BMPER: variants seen among roughly 807,000 people sequenced by gnomAD.
BMPER encodes BMP binding endothelial regulator, also known as BMP-binding endothelial regulator protein.
Under a neutral mutation model 87.3 loss-of-function variants are expected in BMPER, and 45 were observed. That is an observed-to-expected ratio of 0.52 (90% CI 0.41 to 0.66). The LOEUF (loss-of-function observed/expected upper bound fraction) is 0.66, where lower values mean the gene tolerates loss of function less well. BMPER is among the 30% of genes least tolerant of loss of function. BMPER has a pLI of 0.00. For synonymous variants in BMPER, 326 were observed against 316.2 expected, an observed-to-expected ratio of 1.03 and a Z score of -0.33; for missense variants, 784 against 867.5, an observed-to-expected ratio of 0.90 and a Z score of 1.21.
chr7:34,035,198 G>T (rs1787630657), intron 6 of BMPER, among the ~76,000 whole-genome samples: 2 of 152,184 alleles, frequency 1.3e-5, no homozygotes, highest in Admixed American at 1.3e-4. Context: ...CCTTGATGGA[G>T]GCCACGGAGT....
chr7:34,084,870 A>G (rs375036621), intron 12 of BMPER, among the ~76,000 whole-genome samples: 213 of 152,338 alleles, frequency 1.4e-3, no homozygotes, highest in Middle Eastern at 0.014. Context: ...GCATACTTTC[A>G]GATAATTTCT....
intron 11 of BMPER, among the ~76,000 whole-genome samples, chr7:34,068,710 A>G (rs1788660099): frequency 6.6e-6 from 1 of 152,206 alleles, no homozygotes; most frequent in Non-Finnish European, 1.5e-5. Flanking sequence ...ATAGTTTTGA[A>G]CTTGAAATAA....
rs148696996 is a variant in BMPER, at chr7:34,065,113, T to C, written c.1078+3066T>C. Among the ~76,000 whole-genome samples, 187 of 152,156 alleles carry C rather than the reference T, an allele frequency of 1.2e-3. 1 individual carries two copies. The highest frequency in any genetic ancestry group is 4.1e-3 in the African/African-American group (171 of 41,482). ...TGAAACTACAAAAAAGTCTAGTGTT[T>C]TCTAAAGCCAGAAAAACAACTAATT... On this transcript the variant is annotated intron_variant, in intron 11 of 14. Coordinates refer to ENST00000649409, the MANE Select transcript of BMPER (RefSeq NM_001365308.1).
intron 6 of BMPER, among the ~76,000 whole-genome samples, chr7:34,018,558 A>T (rs1223930218): frequency 6.6e-6 from 1 of 151,986 alleles, no homozygotes; most frequent in Non-Finnish European, 1.5e-5. Context: ...GAAACTGGAC[A>T]CCAAGACGAG....
In BMPER at chr7:34,024,397, A is replaced by AC. The variant is rs1359248519; in HGVS notation, c.577-21909_577-21908insC. Among the ~76,000 whole-genome samples the AC allele has an allele frequency of 6.4e-4, 14 of 22,012 alleles. 2 individuals are homozygous for AC. The highest frequency in any genetic ancestry group is 3.4e-3 in the African/African-American group (13 of 3,856). The allele number at this position is 22,012 out of a possible 152,430, so 14.4% of individuals were successfully genotyped here. ...AAAAAAAAAAACAATATATATATAT[A>AC]TATATATATATATATATATATATAT... On this transcript the variant is annotated intron_variant, in intron 6 of 14. Transcript: ENST00000649409.
chr7:34,044,180 G>C (rs1317782190), intron 6 of BMPER, among the ~76,000 whole-genome samples: 4 of 152,212 alleles, frequency 2.6e-5, no homozygotes, highest in Admixed American at 6.5e-5. Flanking sequence ...ACAAACTGCA[G>C]TTGTATTATG....
At chr7:33,966,688 C>T in intron 4 of BMPER, 127 bp downstream of exon 4, 1 of 843,380 alleles carries the variant, frequency 1.2e-6, no homozygotes, top group South Asian at 1.4e-5. Context: ...AATGAAAAAG[C>T]AACTGTATCC....
intron 2 of BMPER, among the ~76,000 whole-genome samples, chr7:33,907,165 C>T (rs566172532): frequency 5.9e-5 from 9 of 151,968 alleles, no homozygotes; most frequent in South Asian, 2.1e-4. Context: ...TATGACGTCT[C>T]GGTGAAATGA....
chr7:33,958,292 G>A (rs1262174773), intron 3 of BMPER, among the ~76,000 whole-genome samples: 10 of 152,130 alleles, frequency 6.6e-5, no homozygotes, highest in Non-Finnish European at 8.8e-5. Context: ...TGCAAAACAT[G>A]TTCTTATTAT....
At chr7:34,041,497 A>C (rs1787831649) in intron 6 of BMPER, among the ~76,000 whole-genome samples, 1 of 152,178 alleles carries the variant, frequency 6.6e-6, no homozygotes, top group Non-Finnish European at 1.5e-5. Context: ...TCTTTACTCC[A>C]GGAAGTTAAG....
At chr7:34,142,876 A>T (rs10265661) in intron 13 of BMPER, among the ~76,000 whole-genome samples, 110,851 of 152,152 alleles carry the variant, frequency 0.73, 40,743 homozygotes, top group East Asian at 0.91. Flanking sequence ...TAATTAAAAT[A>T]AAAGCAAATT....
At chr7:34,044,897 C>A (rs912087697) in intron 6 of BMPER, among the ~76,000 whole-genome samples, 1 of 152,126 alleles carries the variant, frequency 6.6e-6, no homozygotes, top group Admixed American at 6.6e-5. Context: ...AAAACAGAAA[C>A]AACAGGCGGC....
At chr7:34,043,347 C>T (rs1387248388) in intron 6 of BMPER, among the ~76,000 whole-genome samples, 1 of 152,158 alleles carries the variant, frequency 6.6e-6, no homozygotes, top group African/African-American at 2.4e-5. Context: ...CTGCATTTAG[C>T]TGGCCATCTG....
intron 14 of BMPER, among the ~76,000 whole-genome samples, chr7:34,146,604 C>G (rs1202084556): frequency 6.6e-6 from 1 of 152,010 alleles, no homozygotes. Context: ...TGATAATGCC[C>G]ATAATACTTT....
chr7:33,951,569 T>G (rs2128613317), intron 3 of BMPER, among the ~76,000 whole-genome samples: 1 of 152,300 alleles, frequency 6.6e-6, no homozygotes, highest in South Asian at 2.1e-4. Context: ...CAATTGTGAT[T>G]CAGCATTTTG....
intron 13 of BMPER, among the ~76,000 whole-genome samples, chr7:34,141,689 C>G (rs1414520949): frequency 6.7e-6 from 1 of 150,190 alleles, no homozygotes; most frequent in South Asian, 2.1e-4. Context: ...TGCTGGTTAT[C>G]GTGTCTTAGG....
chr7:33,990,707 A>T (rs2127925631), intron 6 of BMPER, among the ~76,000 whole-genome samples: 1 of 139,976 alleles, frequency 7.1e-6, no homozygotes, highest in African/African-American at 2.7e-5. Flanking sequence ...TTTCAAAGGG[A>T]GTGCTTCCAG....
intron 11 of BMPER, among the ~76,000 whole-genome samples, chr7:34,069,196 C>T (rs1354355352): frequency 6.6e-6 from 1 of 152,142 alleles, no homozygotes; most frequent in Non-Finnish European, 1.5e-5. Flanking sequence ...GGTAATGATA[C>T]ACCTAAAATA....
chr7:33,970,516 T>C (rs1341902149), intron 5 of BMPER, 97 bp downstream of exon 5: 47 of 1,229,186 alleles, frequency 3.8e-5, no homozygotes, highest in Non-Finnish European at 4.8e-5. Flanking sequence ...TTCCTCACTT[T>C]ACATCTGTGT....
Sources: gnomAD v4.1 joint callset for allele counts (sites outside exome capture counted in the v4.1 genomes callset) on GRCh38, gnomAD v4.1.1 for gene constraint, MANE v1.5 for transcripts, NCBI Gene and HGNC (gene_info 2026-07-23, HGNC 2026-07-21) for gene names.